Variants in CLCN3 observed in about 807,000 individuals in gnomAD.
The protein encoded by CLCN3 is H(+)/Cl(-) exchange transporter 3.
Under a neutral mutation model 83.4 loss-of-function variants are expected in CLCN3, and 16 were observed. That is an observed-to-expected ratio of 0.19 (90% CI 0.13 to 0.29). CLCN3 has a LOEUF of 0.29. CLCN3 is among the 10% of genes least tolerant of loss of function. CLCN3 has a pLI of 1.00. For missense variants in CLCN3, 544 were observed against 1,006.0 expected (o/e 0.54, Z 6.21); for synonymous variants, 322 against 346.2 (o/e 0.93, Z 0.78).
chr4:169,624,900 T>G (rs1773194023), intron 1 of CLCN3, among the ~76,000 whole-genome samples: 1 of 152,166 alleles, frequency 6.6e-6, no homozygotes, highest in Non-Finnish European at 1.5e-5. Context: ...CAAGCTATTC[T>G]TCTGCCTCAG....
intron 4 of CLCN3, among the ~76,000 whole-genome samples, chr4:169,687,985 G>C (rs113673856): frequency 0.01 from 1,531 of 152,250 alleles, 28 homozygotes; most frequent in African/African-American, 0.035. Context: ...TCTGGACTCA[G>C]TTTCTATATC....
intron 9 of CLCN3, among the ~76,000 whole-genome samples, chr4:169,701,622 T>C (rs1450135038): frequency 6.6e-6 from 1 of 152,152 alleles, no homozygotes; most frequent in East Asian, 1.9e-4. Context: ...AACTCTTGCC[T>C]TCTCAGAGGA....
At chr4:169,697,100 C>A in intron 8 of CLCN3, 89 bp from the exon 9 acceptor site, 1 of 931,498 alleles carries the variant, frequency 1.1e-6, no homozygotes, top group Non-Finnish European at 1.5e-6. Flanking sequence ...AAATTTAGAG[C>A]TAGGATATTT....
chr4:169,713,571 T>C (rs1733307858), intron 12 of CLCN3, among the ~76,000 whole-genome samples: 2 of 152,216 alleles, frequency 1.3e-5, no homozygotes, highest in Admixed American at 6.5e-5. Flanking sequence ...CATGAAAGCA[T>C]GTTGAGCTTA....
intron 2 of CLCN3, among the ~76,000 whole-genome samples, chr4:169,664,999 C>G (rs1053577862): frequency 2.0e-5 from 3 of 152,062 alleles, no homozygotes; most frequent in Non-Finnish European, 4.4e-5. Context: ...CTTTGTAGCC[C>G]TTTGCAACTT....
intron 9 of CLCN3, among the ~76,000 whole-genome samples, chr4:169,701,009 G>A (rs893438827): frequency 1.3e-5 from 2 of 152,058 alleles, no homozygotes; most frequent in African/African-American, 2.4e-5. Context: ...GAAATTTGCC[G>A]CATTGATTGA....
At chr4:169,697,006 A>G (rs1732590082) in intron 8 of CLCN3, among the ~76,000 whole-genome samples, 183 bp from the exon 9 acceptor site, 1 of 152,116 alleles carries the variant, frequency 6.6e-6, no homozygotes, top group African/African-American at 2.4e-5. Flanking sequence ...ATTTGTAATG[A>G]TGATCACCAT....
chr4:169,696,115 G>A (rs1340348713), intron 8 of CLCN3, among the ~76,000 whole-genome samples: 2 of 152,006 alleles, frequency 1.3e-5, no homozygotes, highest in Non-Finnish European at 2.9e-5. Context: ...TTGAGACGGA[G>A]TTTCACTCTT....
intron 8 of CLCN3, among the ~76,000 whole-genome samples, chr4:169,696,475 A>C (rs1241133343): frequency 6.6e-6 from 1 of 152,140 alleles, no homozygotes; most frequent in South Asian, 2.1e-4. Context: ...GTGTCTATAC[A>C]TGTATACATT....
At position 169,636,013 on chromosome 4, in the gene CLCN3, T is replaced by C; in HGVS notation, c.85T>C (p.Leu29=). The change falls in exon 2 of 13, where the codon TTA becomes CTA. Residue 29 remains leucine, a synonymous_variant. Transcript: ENST00000513761. ...AAGTGCAAGTAGTGATGAGGAACTT[T>C]TAGATGGAGCAGGTGTTATTATGGA... is the stretch of plus-strand genomic sequence containing the variant. ...ITSASSDEEL[L]DGAGVIMDFQ... is the part of the protein sequence containing the mutation. 2.5e-6 allele frequency: 4 copies of C among 1,613,560 alleles called. No homozygotes were observed. Among genetic ancestry groups the C allele is most frequent in the Non-Finnish European group, 3.4e-6 (4 of 1,179,668 alleles).
chr4:169,689,114 G>A lies in CLCN3; in HGVS notation c.490G>A (p.Ala164Thr), dbSNP rs1181522203. 1 of 1,613,840 alleles carries A rather than the reference G, an allele frequency of 6.2e-7. No homozygotes were observed. The highest frequency in any genetic ancestry group is 8.5e-7 in the Non-Finnish European group (1 of 1,179,894). The change falls in exon 5 of 13, where the codon GCG becomes ACG. Residue 164 changes from alanine to threonine, a missense_variant. By Grantham distance (58) the Ala-to-Thr change is moderately conservative. Coordinates refer to ENST00000513761, the MANE Select transcript of CLCN3 (RefSeq NM_001829.4). ...TDLKEGICLS[A>T]LWYNHEQCCW... ...CCTAAAGGAGGGCATTTGCCTTAGTGCGTTGTGGTACAACCACGAACAGTG... is the reference window on the plus strand; with the variant it reads ...CCTAAAGGAGGGCATTTGCCTTAGTACGTTGTGGTACAACCACGAACAGTG...
At chr4:169,666,972 A>T (rs914632948) in intron 2 of CLCN3, among the ~76,000 whole-genome samples, 8 of 152,252 alleles carry the variant, frequency 5.3e-5, no homozygotes, top group Admixed American at 2.0e-4. Context: ...GACATGAGCT[A>T]GATAACAGTG....
intron 2 of CLCN3, chr4:169,660,324 A>C: frequency 7.3e-7 from 1 of 1,374,750 alleles, no homozygotes; most frequent in South Asian, 1.8e-5. Flanking sequence ...TTAAGCTAGC[A>C]AGCTTTTTCT....
chr4:169,711,333 T>G (rs944658397), intron 11 of CLCN3, among the ~76,000 whole-genome samples: 1 of 152,204 alleles, frequency 6.6e-6, no homozygotes, highest in African/African-American at 2.4e-5. Context: ...TTATGTCAAT[T>G]GCTAATGGAC....
At chr4:169,644,489 G>A (rs927631594) in intron 2 of CLCN3, among the ~76,000 whole-genome samples, 4 of 152,146 alleles carry the variant, frequency 2.6e-5, no homozygotes, top group African/African-American at 7.2e-5. Flanking sequence ...TGATCCGCCC[G>A]CCTCAGCCTC....
chr4:169,650,876 C>T (rs976926462), intron 2 of CLCN3, among the ~76,000 whole-genome samples: 4 of 152,118 alleles, frequency 2.6e-5, no homozygotes, highest in African/African-American at 7.2e-5. Context: ...GGAGACTGCC[C>T]AAATTTGTGC....
chr4:169,689,207 G>A lies in CLCN3; in HGVS notation c.583G>A (p.Glu195Lys). 6.2e-7 allele frequency: 1 copy of A among 1,613,268 alleles called. No individual in the cohort carries two copies. Among genetic ancestry groups the A allele is most frequent in the Admixed American group, 1.7e-5 (1 of 59,840 alleles). Residue 195 changes from glutamate (E) to lysine (K), a missense_variant, in exon 5 of 13, where the codon GAA becomes AAA. Around this residue, in one of 6 missense-constraint regions of CLCN3, gnomAD observed 96 missense variants for 202.1 expected, o/e 0.48. Coordinates refer to ENST00000513761, the MANE Select transcript of CLCN3 (RefSeq NM_001829.4). ...DKCPQWKTWA[E>K]LIIGQAEGPG... The stretch of plus-strand genomic sequence containing the variant: ...ATGTCCACAGTGGAAAACATGGGCA[G>A]AATTAATCATAGGTCAAGCAGAGGT...
intron 10 of CLCN3, 104 bp from the exon 11 acceptor site, chr4:169,706,764 G>A (rs1733009696): frequency 3.4e-6 from 3 of 879,718 alleles, no homozygotes; most frequent in African/African-American, 1.7e-5. Flanking sequence ...CCCTGACTGA[G>A]TTCTATTTGC....
At chr4:169,657,698 C>T (rs781449778) in intron 2 of CLCN3, among the ~76,000 whole-genome samples, 5 of 152,022 alleles carry the variant, frequency 3.3e-5, no homozygotes, top group East Asian at 1.9e-4. Flanking sequence ...AGGGTGCGTT[C>T]GAAAGTAAAA....
Sources: gnomAD v4.1 joint callset for allele counts (sites outside exome capture counted in the v4.1 genomes callset) on GRCh38, gnomAD v4.1.1 for gene constraint, gnomAD v4.1.1 regional missense constraint, MANE v1.5 for transcripts, NCBI Gene and HGNC (gene_info 2026-07-23, HGNC 2026-07-21) for gene names.